The following LTBP3 variants were observed in gnomAD, a reference collection of about 807,000 sequenced individuals.
LTBP3 encodes latent transforming growth factor beta binding protein 3, also known as latent-transforming growth factor beta-binding protein 3.
A neutral mutation model predicts 159.7 loss-of-function variants in LTBP3; 97 were observed. That is an observed-to-expected ratio of 0.61 (90% CI 0.52 to 0.72). LTBP3 has a LOEUF of 0.72. Among genes scored for constraint, LTBP3 ranks in the 30% least tolerant of loss-of-function variants. LTBP3 has a pLI of 0.00. For synonymous variants in LTBP3, 824 were observed against 777.1 expected (o/e 1.06, Z -1.00); for missense variants, 1,584 against 1,864.3 (o/e 0.85, Z 2.77).
In LTBP3 at chr11:65,547,506, G is replaced by T. The variant is rs1362034320; in HGVS notation, c.2040C>A (p.Pro680=). ...GGTAGCAGTTGCACTTGTAGTGACC[G>T]GGAAAGTTGATGCAGAAGCCGCCGT... is the stretch of plus-strand genomic sequence containing the variant. The part of the protein sequence containing the change: ...CGDGGFCINF[P]GHYKCNCYPG... The change falls in exon 14 of 28, where the codon CCC becomes CCA. Residue 680 remains proline, a synonymous_variant. Transcript: ENST00000301873. The surrounding 1 kb of genome is among the most constrained non-coding windows in gnomAD (Gnocchi z 4.6). The T allele has an allele frequency of 1.2e-6, 2 of 1,614,118 alleles. No individual in the cohort carries two copies. Among genetic ancestry groups the T allele is most frequent in the Non-Finnish European group, 1.7e-6 (2 of 1,179,982 alleles).
rs748366286 is a variant in LTBP3 at position 65,547,917 on chromosome 11, C to CA, written c.1846+2dup. ...GCATGCCCGCCGCCTGCCCTGCGCT[C>CA]ACCCACGCAGTAGCGGTGCTGGGGA... On this transcript the variant is annotated splice_region_variant and intron_variant, in intron 12 of 27. Coordinates refer to ENST00000301873, the MANE Select transcript of LTBP3 (RefSeq NM_001130144.3). This position sits in a 1 kb window ranked among gnomAD's most constrained non-coding sequence, Gnocchi z 4.6. The CA allele has an allele frequency of 6.2e-7, 1 of 1,613,694 alleles. No homozygotes were observed. Among genetic ancestry groups the CA allele is most frequent in the Non-Finnish European group, 8.5e-7 (1 of 1,180,014 alleles).
Position 65,557,877 on chromosome 11 carries a change from A to AGCAGCAGCAGCAGCG in LTBP3, c.82_83insCGCTGCTGCTGCTGC (p.Leu27_Leu28insProLeuLeuLeuLeu). Reference sequence around the variant, plus strand: ...GCCCAGCAGCAGCAGCAGCAGCAGCAGCAGCAGCGCCAGCAGCCCCGCCGC... The same window carrying AGCAGCAGCAGCAGCG: ...GCCCAGCAGCAGCAGCAGCAGCAGCAGCAGCAGCAGCAGCGGCAGCAGCGCCAGCAGCCCCGCCGC... On this transcript the variant is annotated inframe_insertion, in exon 1 of 28. Coordinates refer to ENST00000301873, the MANE Select transcript of LTBP3 (RefSeq NM_001130144.3). 1 of 1,319,974 alleles carries AGCAGCAGCAGCAGCG rather than the reference A, an allele frequency of 7.6e-7. No homozygotes were observed. Among genetic ancestry groups the AGCAGCAGCAGCAGCG allele is most frequent in the Admixed American group, 2.8e-5 (1 of 36,228 alleles). 81.8% of individuals were successfully genotyped at this position (1,319,974 alleles called of 1,614,324 possible).
Position 65,541,697 on chromosome 11 carries a change from C to T in LTBP3, c.2628G>A (p.Leu876=). The T allele has an allele frequency of 6.2e-7, 1 of 1,614,146 alleles. No homozygotes were observed. The highest frequency in any genetic ancestry group is 1.3e-5 in the African/African-American group (1 of 75,038). ...TCTTGCAGGCCCCATGGGGAAGGCA[C>T]AGGCTCGGGTCCTGGCTGCACTCAT... is the stretch of plus-strand genomic sequence containing the variant. ...DIDECSQDPS[L]CLPHGACKNL... The change falls in exon 19 of 28, where the codon CTG becomes CTA. Residue 876 remains leucine, a synonymous_variant. Coordinates refer to ENST00000301873, the MANE Select transcript of LTBP3 (RefSeq NM_001130144.3).
chr11:65,539,237 G>A lies in LTBP3; in HGVS notation c.3761-6C>T, dbSNP rs1266000767. On this transcript the variant is annotated splice_region_variant and splice_polypyrimidine_tract_variant and intron_variant, in intron 27 of 27. Coordinates refer to ENST00000301873, the MANE Select transcript of LTBP3 (RefSeq NM_001130144.3). ...CTCTCGGCACTCGTCGATATCTGAA[G>A]GTGAGGGCGACAGGTGCGGCTTCGC... 4 of 1,526,184 alleles carry A rather than the reference G, an allele frequency of 2.6e-6. No individual in the cohort carries two copies. The highest frequency in any genetic ancestry group is 4.0e-5 in the Admixed American group (2 of 50,048). 94.5% of individuals were successfully genotyped at this position (1,526,184 alleles called of 1,614,324 possible). A position where few individuals can be genotyped will look rare whatever the true frequency, so the allele number is the denominator to read the frequency against.
chr11:65,543,487 A>T lies in LTBP3; in HGVS notation c.2416T>A (p.Ser806Thr), dbSNP rs974030785. ...CCAGAGAGGCACTGACACTGGAAAG[A>T]TCCTGGCGTGTTGCTGCAGATGCCA... ...DNGICSNTPG[S>T]FQCQCLSGYH... is the part of the protein sequence containing the mutation. The change falls in exon 17 of 28, where the codon TCT becomes ACT. Residue 806 changes from serine (S) to threonine (T), a missense_variant. Transcript: ENST00000301873. 4.6e-5 allele frequency: 75 copies of T among 1,613,946 alleles called. No individual in the cohort carries two copies. Among genetic ancestry groups the T allele is most frequent in the Non-Finnish European group, 6.2e-5 (73 of 1,179,988 alleles).
chr11:65,553,883 C>CCACGGGGGGCGGGGCCTG lies in LTBP3; in HGVS notation c.664_681dup (p.Gln222_Val227dup). On this transcript the variant is annotated inframe_insertion, in exon 3 of 28. Transcript: ENST00000301873. The surrounding 1 kb of genome is among the most constrained non-coding windows in gnomAD (Gnocchi z 6.5). ...GGCGGGTGATGGACGCGCACATTCA[C>CCACGGGGGGCGGGGCCTG]CACGGGGGGCGGGGCCTGCACTGGG... 6 of 1,552,692 alleles carry CCACGGGGGGCGGGGCCTG rather than the reference C, an allele frequency of 3.9e-6. No homozygotes were observed. The highest frequency in any genetic ancestry group is 4.3e-6 in the Non-Finnish European group (5 of 1,155,518).
intron 1 of LTBP3, among the ~76,000 whole-genome samples, chr11:65,555,256 C>A (rs1856767534): frequency 6.6e-6 from 1 of 152,206 alleles, no homozygotes; most frequent in African/African-American, 2.4e-5. Flanking sequence ...CTGCCTCAGG[C>A]AGAAGCTCAC....
rs745715186 is a variant in LTBP3 at position 65,546,574 on chromosome 11, A to G, written c.2231-10T>C. On this transcript the variant is annotated splice_polypyrimidine_tract_variant and intron_variant, in intron 15 of 27. Transcript: ENST00000301873. This position sits in a 1 kb window ranked among gnomAD's most constrained non-coding sequence, Gnocchi z 4.0. Reference sequence around the variant, plus strand: ...GCGCACTCGTTCACGTCTGCGGCGGAAAGACCTAGCCTCGGACTCTGCCCC... The same window carrying G: ...GCGCACTCGTTCACGTCTGCGGCGGGAAGACCTAGCCTCGGACTCTGCCCC... The G allele has an allele frequency of 2.5e-6, 4 of 1,601,596 alleles. No individual in the cohort carries two copies. Among genetic ancestry groups the G allele is most frequent in the Non-Finnish European group, 2.5e-6 (3 of 1,179,390 alleles).
At position 65,553,539 on chromosome 11, in the gene LTBP3, A is replaced by G. The variant is rs1252947770; in HGVS notation, c.865-9T>C. 1.3e-6 allele frequency: 2 copies of G among 1,493,538 alleles called. No individual in the cohort carries two copies. The highest frequency in any genetic ancestry group is 1.9e-6 in the Non-Finnish European group (2 of 1,073,766). 92.5% of individuals were successfully genotyped at this position (1,493,538 alleles called of 1,614,324 possible). A position where few individuals can be genotyped will look rare whatever the true frequency, so the allele number is the denominator to read the frequency against. On this transcript the variant is annotated splice_polypyrimidine_tract_variant and intron_variant, in intron 3 of 27. Coordinates refer to ENST00000301873, the MANE Select transcript of LTBP3 (RefSeq NM_001130144.3). This position sits in a 1 kb window ranked among gnomAD's most constrained non-coding sequence, Gnocchi z 6.5. ...AGGGGGTTGCTGCCACACTAGGGGA[A>G]GGAGGGGGAGGTGGGGTCACAGAGC...
At position 65,539,059 on chromosome 11, in the gene LTBP3, C is replaced by A; in HGVS notation, c.*21G>T. 1 of 1,358,732 alleles carries A rather than the reference C, an allele frequency of 7.4e-7. No homozygotes were observed. Among genetic ancestry groups the A allele is most frequent in the Non-Finnish European group, 9.5e-7 (1 of 1,057,274 alleles). 84.2% of individuals were successfully genotyped at this position (1,358,732 alleles called of 1,614,324 possible). Reference sequence around the variant, plus strand: ...CCCTCAGTGATCACCGAGGTCTGGGCCGAGGGCGGCGTCGGCGGCGTCAGC... The same window carrying A: ...CCCTCAGTGATCACCGAGGTCTGGGACGAGGGCGGCGTCGGCGGCGTCAGC... On this transcript the variant is annotated 3_prime_UTR_variant, in exon 28 of 28. Transcript: ENST00000301873.
At chr11:65,540,735 A>AGGCG in intron 21 of LTBP3, 121 bp from the exon 22 acceptor site, 1 of 1,474,360 alleles carries the variant, frequency 6.8e-7, no homozygotes, top group South Asian at 1.2e-5. Context: ...CGGGGCCTAC[A>AGGCG]GGGCGGGGCC....
Position 65,558,177 on chromosome 11 carries a change from G to A in LTBP3, c.-218C>T. 1 of 1,067,254 alleles carries A rather than the reference G, an allele frequency of 9.4e-7. No homozygotes were observed. Among genetic ancestry groups the A allele is most frequent in the Non-Finnish European group, 1.1e-6 (1 of 881,550 alleles). The allele number at this position is 1,067,254 out of a possible 1,614,324, so 66.1% of individuals were successfully genotyped here. On this transcript the variant is annotated 5_prime_UTR_variant, in exon 1 of 28. Coordinates refer to ENST00000301873, the MANE Select transcript of LTBP3 (RefSeq NM_001130144.3). ...CGCAGAAACTTCCCAGCCCCAGGAC[G>A]AAGCCCAGACCAGGCCCCGAACTCA... is the stretch of plus-strand genomic sequence containing the variant.
In LTBP3 at chr11:65,551,232, C is replaced by A. The variant is rs778346539; in HGVS notation, c.1622-8G>T. ...AGGGACGGGAGATCAGCTCTGCGGGCGGCAGTGCACTCTGGTCAGAGACGA... is the reference window on the plus strand; with the variant it reads ...AGGGACGGGAGATCAGCTCTGCGGGAGGCAGTGCACTCTGGTCAGAGACGA... On this transcript the variant is annotated splice_polypyrimidine_tract_variant and splice_region_variant and intron_variant, in intron 10 of 27. Coordinates refer to ENST00000301873, the MANE Select transcript of LTBP3 (RefSeq NM_001130144.3). 1.9e-6 allele frequency: 3 copies of A among 1,544,410 alleles called. No individual in the cohort carries two copies. The highest frequency in any genetic ancestry group is 1.2e-5 in the South Asian group (1 of 84,120).
Position 65,557,933 on chromosome 11 carries a change from G to A in LTBP3, c.27C>T (p.Gly9=). MPGPRGAA[G]GLAPEMRGAG... is the part of the protein sequence containing the mutation. The stretch of plus-strand genomic sequence containing the variant: ...CCCCGCGCATCTCAGGGGCCAGGCC[G>A]CCAGCAGCCCCTCGGGGCCCGGGCA... Residue 9 remains glycine, a synonymous_variant, in exon 1 of 28, where the codon GGC becomes GGT. Transcript: ENST00000301873. 2.5e-6 allele frequency: 3 copies of A among 1,217,626 alleles called. No individual in the cohort carries two copies. The highest frequency in any genetic ancestry group is 5.3e-5 in the South Asian group (2 of 37,766). The allele number at this position is 1,217,626 out of a possible 1,614,324, so 75.4% of individuals were successfully genotyped here.
In LTBP3 at chr11:65,539,341, G is replaced by A. The variant is rs1437559480; in HGVS notation, c.3747C>T (p.Arg1249=). The A allele has an allele frequency of 2.0e-6, 3 of 1,522,682 alleles. No homozygotes were observed. Among genetic ancestry groups the A allele is most frequent in the African/African-American group, 2.8e-5 (2 of 71,488 alleles). The allele number at this position is 1,522,682 out of a possible 1,614,324, so 94.3% of individuals were successfully genotyped here. A position where few individuals can be genotyped will look rare whatever the true frequency, so the allele number is the denominator to read the frequency against. Residue 1249 remains arginine, a synonymous_variant, in exon 27 of 28, where the codon CGC becomes CGT. Transcript: ENST00000301873. ...CPGGFQLDAS[R]ARCVDIDECR... The stretch of plus-strand genomic sequence containing the variant: ...AGCCCGGCTCACCCACGCAGCGGGC[G>A]CGGGAGGCGTCGAGCTGGAAGCCGC...
chr11:65,558,344 G>T lies in LTBP3; in HGVS notation c.-385C>A. ...CGGGGAGGCAGGGAGCGCGCGGGGA[G>T]GGCTCAGGGAGAAGTGAGCAGTTGT... On this transcript the variant is annotated 5_prime_UTR_variant, in exon 1 of 28. Transcript: ENST00000301873. The T allele has an allele frequency of 3.4e-6, 1 of 294,044 alleles. No individual in the cohort carries two copies. The highest frequency in any genetic ancestry group is 1.3e-4 in the South Asian group (1 of 7,618). 18.2% of individuals were successfully genotyped at this position (294,044 alleles called of 1,614,324 possible). A position where few individuals can be genotyped will look rare whatever the true frequency, so the allele number is the denominator to read the frequency against.
In LTBP3 at chr11:65,553,063, C is replaced by T; in HGVS notation, c.1064-81G>A. 3.1e-6 allele frequency: 5 copies of T among 1,604,272 alleles called. No individual in the cohort carries two copies. The highest frequency in any genetic ancestry group is 1.7e-5 in the Admixed American group (1 of 59,968). Reference sequence around the variant, plus strand: ...CTGCTCCAAGAACCTCAGGGTCTTGCCCCAGCCCCACCTCCTCTCTCGCCC... The same window carrying T: ...CTGCTCCAAGAACCTCAGGGTCTTGTCCCAGCCCCACCTCCTCTCTCGCCC... On this transcript the variant is annotated intron_variant, in intron 5 of 27. Transcript: ENST00000301873. The surrounding 1 kb of genome is among the most constrained non-coding windows in gnomAD (Gnocchi z 6.5).
At chr11:65,550,396 A>G (rs1330765714) in intron 11 of LTBP3, among the ~76,000 whole-genome samples, 1 of 151,842 alleles carries the variant, frequency 6.6e-6, no homozygotes, top group Non-Finnish European at 1.5e-5. Flanking sequence ...TGGGCGACAG[A>G]GCGAGACTCC....
chr11:65,541,668 AG>A lies in LTBP3; in HGVS notation c.2656del (p.Leu886PhefsTer36). The A allele has an allele frequency of 1.9e-6, 3 of 1,614,108 alleles. No individual in the cohort carries two copies. The highest frequency in any genetic ancestry group is 2.5e-6 in the Non-Finnish European group (3 of 1,179,988). On this transcript the variant is annotated frameshift_variant, in exon 19 of 28. Transcript: ENST00000301873. LOFTEE classifies it high-confidence loss of function. ...LCLPHGACKNLQGSYVCVCDE... is the reference protein window; with the variant it reads ...LCLPHGACKNXQGSYVCVCDE... ...GCAGACACACACATAGGAGCCCTGA[AG>A]GTTCTTGCAGGCCCCATGGGGAAGG...
Sources: allele counts gnomAD v4.1 joint callset (sites outside exome capture counted in the v4.1 genomes callset), GRCh38; gene constraint gnomAD v4.1.1; non-coding constraint Gnocchi (gnomAD v3.1); transcripts MANE v1.5; gene names NCBI Gene and HGNC (gene_info 2026-07-23, HGNC 2026-07-21).